Variants in CCM2 observed in about 807,000 individuals in gnomAD.
CCM2 encodes cerebral cavernous malformations 2 protein.
CCM2 carries 25 observed loss-of-function variants against 44.9 expected under a neutral mutation model. The ratio of observed to expected loss-of-function variants is 0.56; its 90% CI spans 0.41 to 0.78. The LOEUF is 0.78. CCM2 is among the 30% of genes least tolerant of loss of function. The pLI, the probability that CCM2 is intolerant of heterozygous loss-of-function variation, is 0.00. For synonymous variants in CCM2, 219 were observed against 241.1 expected, an observed-to-expected ratio of 0.91 and a Z score of 0.85; for missense variants, 481 against 580.6, an observed-to-expected ratio of 0.83 and a Z score of 1.76.
intron 1 of CCM2, among the ~76,000 whole-genome samples, chr7:45,009,399 CTTGT>C (rs1264371373): frequency 2.5e-5 from 3 of 120,172 alleles, no homozygotes; most frequent in Non-Finnish European, 3.3e-5. Flanking sequence ...GTTGGCTATA[CTTGT>C]TTTTTTTTTT....
At chr7:45,073,437 T>C in intron 7 of CCM2, 23 bp from the exon 8 acceptor site, 2 of 1,584,532 alleles carry the variant, frequency 1.3e-6, no homozygotes, top group East Asian at 2.2e-5. Flanking sequence ...AGCCACCCGC[T>C]CACATACCAC....
At chr7:45,070,061 T>C in intron 6 of CCM2, 100 bp downstream of exon 6, 2 of 1,467,196 alleles carry the variant, frequency 1.4e-6, no homozygotes, top group Non-Finnish European at 1.9e-6. Context: ...ATAGCGCAGT[T>C]ACTGCCGTGA....
intron 5 of CCM2, among the ~76,000 whole-genome samples, chr7:45,069,460 G>A (rs1218982844): frequency 6.6e-6 from 1 of 152,234 alleles, no homozygotes; most frequent in Non-Finnish European, 1.5e-5. Context: ...GGTGGGCTGT[G>A]ATACTGATGG....
intron 5 of CCM2, 93 bp downstream of exon 5, chr7:45,068,672 G>T: frequency 6.6e-7 from 1 of 1,517,544 alleles, no homozygotes; most frequent in Non-Finnish European, 9.0e-7. Flanking sequence ...CACAGTGCTG[G>T]GCACTGCTGG....
At chr7:45,069,244 G>A (rs1015610518) in intron 5 of CCM2, among the ~76,000 whole-genome samples, 11 of 152,214 alleles carry the variant, frequency 7.2e-5, no homozygotes, top group African/African-American at 1.4e-4. Flanking sequence ...ATTTTTAGCC[G>A]GATAATTTTC....
At chr7:45,001,489 C>T (rs544783285) in intron 1 of CCM2, among the ~76,000 whole-genome samples, 65 of 152,374 alleles carry the variant, frequency 4.3e-4, no homozygotes, top group African/African-American at 1.3e-3. Flanking sequence ...AAGGAGTTAG[C>T]TGGAAAGGAG....
At chr7:45,035,985 G>T (rs981041626) in intron 1 of CCM2, among the ~76,000 whole-genome samples, 12 of 152,332 alleles carry the variant, frequency 7.9e-5, no homozygotes, top group African/African-American at 2.6e-4. Flanking sequence ...TTGATTGCCT[G>T]TGGCACTTCT....
intron 6 of CCM2, chr7:45,072,034 C>T (rs190841774): frequency 3.6e-5 from 13 of 364,034 alleles, no homozygotes; most frequent in African/African-American, 6.4e-5. Context: ...GCCTCTCCCT[C>T]TGCTTCATTT....
intron 2 of CCM2, among the ~76,000 whole-genome samples, chr7:45,052,098 A>G (rs1215966398): frequency 3.3e-5 from 5 of 152,240 alleles, no homozygotes; most frequent in Non-Finnish European, 4.4e-5. Flanking sequence ...GCTGTCCCAC[A>G]TCGGAAACCA....
At chr7:45,066,914 T>G (rs1189599501) in intron 4 of CCM2, among the ~76,000 whole-genome samples, 1 of 151,978 alleles carries the variant, frequency 6.6e-6, no homozygotes, top group Non-Finnish European at 1.5e-5. Context: ...TTTTTTTTTT[T>G]TTTTGAGACG....
At chr7:45,044,189 A>G (rs1430625635) in intron 2 of CCM2, among the ~76,000 whole-genome samples, 2 of 152,192 alleles carry the variant, frequency 1.3e-5, no homozygotes, top group Non-Finnish European at 2.9e-5. Flanking sequence ...GCTGGAGTGC[A>G]GTGGTGCAGG....
chr7:45,020,859 T>TAG (rs10626645), intron 1 of CCM2, among the ~76,000 whole-genome samples: 131,972 of 152,178 alleles, frequency 0.87, 57,540 homozygotes, highest in African/African-American at 0.96. Context: ...CAACTGTTAT[T>TAG]AGTCTTTCAC....
intron 1 of CCM2, chr7:45,027,161 A>G (rs2128721521): frequency 4.9e-6 from 1 of 205,648 alleles, no homozygotes; most frequent in South Asian, 7.8e-5. Flanking sequence ...CCCAAGCCCC[A>G]CCTGGGAATG....
chr7:45,058,752 T>C (rs1798384502), intron 2 of CCM2, among the ~76,000 whole-genome samples: 1 of 152,124 alleles, frequency 6.6e-6, no homozygotes, highest in Non-Finnish European at 1.5e-5. Flanking sequence ...GATTTTTCTT[T>C]AGCCAGTTGA....
At chr7:45,025,799 G>C (rs184292234) in intron 1 of CCM2, among the ~76,000 whole-genome samples, 2 of 152,196 alleles carry the variant, frequency 1.3e-5, no homozygotes, top group Non-Finnish European at 2.9e-5. Flanking sequence ...CTTCCAAAAC[G>C]CTGGGATTAC....
intron 2 of CCM2, among the ~76,000 whole-genome samples, chr7:45,048,019 G>T (rs1426626960): frequency 2.6e-5 from 4 of 152,214 alleles, no homozygotes; most frequent in Admixed American, 1.3e-4. Context: ...AATTATCTAA[G>T]TTGTAAGAAA....
chr7:45,061,961 G>A (rs1322658785), intron 2 of CCM2, among the ~76,000 whole-genome samples: 1 of 152,192 alleles, frequency 6.6e-6, no homozygotes, highest in African/African-American at 2.4e-5. Context: ...TCCATGCTCA[G>A]TCTCTGCCAT....
chr7:45,044,736 T>C (rs1442643925), intron 2 of CCM2, among the ~76,000 whole-genome samples: 2 of 152,222 alleles, frequency 1.3e-5, no homozygotes, highest in African/African-American at 4.8e-5. Context: ...AGTGACCTCA[T>C]ATGGCAAATT....
chr7:45,018,354 T>C (rs36121414), intron 1 of CCM2, among the ~76,000 whole-genome samples: 4,831 of 152,116 alleles, frequency 0.032, 116 homozygotes, highest in South Asian at 0.14. Flanking sequence ...CATTTTTTAT[T>C]ATTTATTTAT....
Sources: allele counts gnomAD v4.1 joint callset (sites outside exome capture counted in the v4.1 genomes callset), GRCh38; gene constraint gnomAD v4.1.1; transcripts MANE v1.5; gene names NCBI Gene and HGNC (gene_info 2026-07-23, HGNC 2026-07-21).